SMYD3: variants seen among roughly 807,000 people sequenced by gnomAD.
SMYD3 encodes SET and MYND domain containing 3.
Under a neutral mutation model 57.7 loss-of-function variants are expected in SMYD3, and 36 were observed. The observed-to-expected ratio is 0.62, with a 90% CI of 0.48 to 0.82. SMYD3 has a LOEUF of 0.82. Among genes scored for constraint, SMYD3 ranks in the 40% least tolerant of loss-of-function variants. The probability of loss-of-function intolerance (pLI) is 0.00; values close to 1 mark genes in which losing one functional copy is unlikely to be tolerated. For synonymous variants in SMYD3, 211 were observed against 195.0 expected (o/e 1.08, Z -0.68); for missense variants, 515 against 538.8 (o/e 0.96, Z 0.44).
intron 1 of SMYD3, among the ~76,000 whole-genome samples, chr1:246,403,975 C>T (rs953711082): frequency 1.3e-5 from 2 of 152,144 alleles, no homozygotes; most frequent in African/African-American, 4.8e-5. Context: ...GGTTTGGATG[C>T]ACACCTGACT....
chr1:245,892,092 C>G (rs1301862202), intron 8 of SMYD3, among the ~76,000 whole-genome samples: 5 of 152,028 alleles, frequency 3.3e-5, no homozygotes, highest in South Asian at 2.1e-4. Flanking sequence ...ACCACTGGAA[C>G]CAAACCAAAC....
chr1:246,403,347 A>G (rs2066804778), intron 1 of SMYD3, among the ~76,000 whole-genome samples: 1 of 152,024 alleles, frequency 6.6e-6, no homozygotes, highest in Non-Finnish European at 1.5e-5. Flanking sequence ...AAAAAAATTT[A>G]ATTAGCCAGA....
intron 5 of SMYD3, among the ~76,000 whole-genome samples, chr1:246,209,432 G>A (rs905069448): frequency 1.3e-5 from 2 of 152,062 alleles, no homozygotes; most frequent in Non-Finnish European, 2.9e-5. Flanking sequence ...GGGATTCAGG[G>A]TATATATAAC....
chr1:246,231,261 C>CT (rs1207028783), intron 5 of SMYD3, among the ~76,000 whole-genome samples: 1 of 152,130 alleles, frequency 6.6e-6, no homozygotes, highest in African/African-American at 2.4e-5. Context: ...TGGTTTCCTG[C>CT]TTTTCTGATA....
At chr1:246,373,906 T>A (rs1358949177) in intron 1 of SMYD3, among the ~76,000 whole-genome samples, 2 of 152,190 alleles carry the variant, frequency 1.3e-5, no homozygotes, top group African/African-American at 4.8e-5. Flanking sequence ...TAAAGGCTAT[T>A]CCACAAAACA....
chr1:246,227,141 C>T (rs1312522058), intron 5 of SMYD3, among the ~76,000 whole-genome samples: 2 of 151,996 alleles, frequency 1.3e-5, no homozygotes, highest in Admixed American at 6.6e-5. Context: ...AATGGTAGAC[C>T]CTGAGGTGAA....
rs144970542 is a variant in SMYD3 at position 246,179,020 on chromosome 1, G to A, written c.531+148181C>T. ...TTTCCTGCTTCCATTGTAGGATGGA[G>A]GATTCAAGGGCTCAGATTATATAAA... On this transcript the variant is annotated intron_variant, in intron 5 of 11. Coordinates refer to ENST00000490107, the MANE Select transcript of SMYD3 (RefSeq NM_001167740.2). 746 of 153,086 alleles carry A rather than the reference G, an allele frequency of 4.9e-3. 5 individuals are homozygous for A. Among genetic ancestry groups the A allele is most frequent in the Middle Eastern group, 0.019 (11 of 586 alleles). 9.5% of individuals were successfully genotyped at this position (153,086 alleles called of 1,614,324 possible).
At chr1:246,006,430 G>A (rs1256768901) in intron 5 of SMYD3, among the ~76,000 whole-genome samples, 3 of 152,056 alleles carry the variant, frequency 2.0e-5, no homozygotes, top group African/African-American at 7.2e-5. Context: ...ACTGGGACGT[G>A]CTCCCTGTTT....
intron 5 of SMYD3, among the ~76,000 whole-genome samples, chr1:246,296,901 G>A (rs2064805274): frequency 1.3e-5 from 2 of 152,144 alleles, no homozygotes; most frequent in Non-Finnish European, 2.9e-5. Context: ...AGATCACAGA[G>A]ATTCTGAAAA....
chr1:246,351,997 G>T (rs944877728), intron 2 of SMYD3, among the ~76,000 whole-genome samples: 1 of 151,836 alleles, frequency 6.6e-6, no homozygotes, highest in South Asian at 2.1e-4. Context: ...TTAGCTGGGC[G>T]TGGTGGCACA....
chr1:245,859,310 A>C (rs1362055184), intron 9 of SMYD3, among the ~76,000 whole-genome samples: 12 of 152,326 alleles, frequency 7.9e-5, no homozygotes, highest in South Asian at 2.1e-4. Flanking sequence ...TTAAACCCCC[A>C]AAATAAGAGA....
At chr1:245,765,078 A>ACACACACACACAAAAAAAAAAAAAAAC (rs1553315995) in intron 10 of SMYD3, among the ~76,000 whole-genome samples, 1 of 139,532 alleles carries the variant, frequency 7.2e-6, no homozygotes, top group African/African-American at 2.8e-5. Flanking sequence ...ACACACACAC[A>ACACACACACACAAAAAAAAAAAAAAAC]AAACCACAGT....
chr1:246,473,437 T>C (rs1237485522), intron 1 of SMYD3, among the ~76,000 whole-genome samples: 1 of 152,244 alleles, frequency 6.6e-6, no homozygotes, highest in Non-Finnish European at 1.5e-5. Flanking sequence ...GAGAAGAAAG[T>C]GTTTTTGGAC....
intron 5 of SMYD3, among the ~76,000 whole-genome samples, chr1:246,130,812 T>C (rs1026017311): frequency 3.9e-5 from 6 of 152,310 alleles, no homozygotes; most frequent in Middle Eastern, 3.4e-3. Flanking sequence ...CTATATTTCA[T>C]GCCATGAACA....
chr1:245,972,621 C>G (rs920392667), intron 5 of SMYD3, among the ~76,000 whole-genome samples: 1 of 152,230 alleles, frequency 6.6e-6, no homozygotes, highest in African/African-American at 2.4e-5. Context: ...CTCCCCCAAC[C>G]CCTGGAATCA....
intron 5 of SMYD3, among the ~76,000 whole-genome samples, chr1:246,003,801 CCTTT>C (rs2059123114): frequency 2.6e-5 from 4 of 152,136 alleles, no homozygotes; most frequent in Admixed American, 6.5e-5. Context: ...TACTTTGTTG[CCTTT>C]CTTTCTCCAC....
chr1:246,281,436 T>A (rs1440944294), intron 5 of SMYD3, among the ~76,000 whole-genome samples: 1 of 152,196 alleles, frequency 6.6e-6, no homozygotes, highest in Non-Finnish European at 1.5e-5. Context: ...GTGAGATAGG[T>A]GATTTTATGC....
At chr1:246,232,291 G>C (rs2063421234) in intron 5 of SMYD3, among the ~76,000 whole-genome samples, 1 of 152,166 alleles carries the variant, frequency 6.6e-6, no homozygotes, top group Admixed American at 6.6e-5. Flanking sequence ...TGTAACCACG[G>C]AGAATTCTCA....
intron 5 of SMYD3, among the ~76,000 whole-genome samples, chr1:246,147,152 G>A (rs1303299008): frequency 6.6e-6 from 1 of 151,684 alleles, no homozygotes; most frequent in Non-Finnish European, 1.5e-5. Context: ...GAGGCTGCAT[G>A]GCACATTTTT....
Sources: allele counts gnomAD v4.1 joint callset (sites outside exome capture counted in the v4.1 genomes callset), GRCh38; gene constraint gnomAD v4.1.1; transcripts MANE v1.5; gene names NCBI Gene and HGNC (gene_info 2026-07-23, HGNC 2026-07-21).